Variants in CCDC148 observed in about 807,000 individuals in gnomAD.
The protein encoded by CCDC148 is coiled-coil domain-containing protein 148.
A neutral mutation model predicts 85.7 loss-of-function variants in CCDC148; 89 were observed. The ratio of observed to expected loss-of-function variants is 1.04; its 90% confidence interval spans 0.87 to 1.24. The LOEUF (loss-of-function observed/expected upper bound fraction) is 1.24. Among genes scored for constraint, CCDC148 ranks in the 50% most tolerant of loss-of-function variants. The probability of loss-of-function intolerance (pLI) is 0.00; values close to 1 mark genes in which losing one functional copy is unlikely to be tolerated. For missense variants in CCDC148, 692 were observed against 671.7 expected, an observed-to-expected ratio of 1.03 and a Z score of -0.33; for synonymous variants, 230 against 213.9, an observed-to-expected ratio of 1.08 and a Z score of -0.66.
At chr2:158,172,934 C>T (rs1422258327) in intron 13 of CCDC148, among the ~76,000 whole-genome samples, 2 of 151,952 alleles carry the variant, frequency 1.3e-5, no homozygotes, top group African/African-American at 2.4e-5. Context: ...ATGGATTTTA[C>T]CTAATGAGGC....
chr2:158,308,104 A>G (rs79873135), intron 9 of CCDC148, among the ~76,000 whole-genome samples: 8,572 of 152,270 alleles, frequency 0.056, 508 homozygotes, highest in African/African-American at 0.15. Context: ...TCAAAACTTC[A>G]ATATTAACAT....
At chr2:158,406,620 T>TTTCTGTTTTTTTTTTTTGTTTTG (rs1203346762) in intron 1 of CCDC148, among the ~76,000 whole-genome samples, 42 of 98,406 alleles carry the variant, frequency 4.3e-4, no homozygotes, top group Non-Finnish European at 7.6e-4. Context: ...TTTCTTTTTT[T>TTTCTGTTTTTTTTTTTTGTTTTG]TTTTTTTTTT....
intron 7 of CCDC148, among the ~76,000 whole-genome samples, chr2:158,326,552 T>C (rs187366011): frequency 2.0e-5 from 3 of 152,316 alleles, no homozygotes; most frequent in Admixed American, 6.5e-5. Context: ...CTTCATCTCA[T>C]TTGCTCCATT....
chr2:158,345,400 T>C, intron 2 of CCDC148, 82 bp from the exon 3 acceptor site: 8 of 893,604 alleles, frequency 9.0e-6, no homozygotes, highest in South Asian at 8.6e-5. Flanking sequence ...AATCTGAATT[T>C]TCTAAGTTAA....
At position 158,394,268 on chromosome 2, in the gene CCDC148, G is replaced by A. The variant is rs141150532; in HGVS notation, c.26-35698C>T. 4.8e-3 allele frequency among the ~76,000 whole-genome samples: 725 copies of A among 152,138 alleles called. 2 individuals carry two copies. Among genetic ancestry groups the A allele is most frequent in the African/African-American group, 0.016 (682 of 41,524 alleles). Reference sequence around the variant, plus strand: ...AGACAGTGTATTATAGTAAGGCAAAGCAATAATTTCCATTGACAAATAAAT... The same window carrying A: ...AGACAGTGTATTATAGTAAGGCAAAACAATAATTTCCATTGACAAATAAAT... On this transcript the variant is annotated intron_variant, in intron 1 of 13. Coordinates refer to ENST00000283233, the MANE Select transcript of CCDC148 (RefSeq NM_138803.4).
chr2:158,287,725 C>T (rs144475873), intron 9 of CCDC148, among the ~76,000 whole-genome samples: 225 of 152,262 alleles, frequency 1.5e-3, no homozygotes, highest in African/African-American at 4.9e-3. Context: ...TGAATGTCTG[C>T]GGCTTTTCCA....
At chr2:158,442,125 A>G (rs1687960012) in intron 1 of CCDC148, among the ~76,000 whole-genome samples, 1 of 152,204 alleles carries the variant, frequency 6.6e-6, no homozygotes, top group African/African-American at 2.4e-5. Flanking sequence ...TAGACAATAG[A>G]AAAAGAGCTC....
intron 10 of CCDC148, among the ~76,000 whole-genome samples, chr2:158,247,734 T>C (rs986448655): frequency 5.3e-5 from 8 of 151,884 alleles, no homozygotes; most frequent in Admixed American, 2.6e-4. Flanking sequence ...CGGGCACCTG[T>C]AATCCCAGCT....
intron 9 of CCDC148, 88 bp from the exon 10 acceptor site, chr2:158,251,000 C>G: frequency 8.5e-7 from 1 of 1,181,378 alleles, no homozygotes; most frequent in Non-Finnish European, 1.2e-6. Flanking sequence ...CTATATCAAG[C>G]AGATGTCACT....
At chr2:158,356,673 C>T (rs1386217317) in intron 2 of CCDC148, among the ~76,000 whole-genome samples, 3 of 145,634 alleles carry the variant, frequency 2.1e-5, no homozygotes, top group East Asian at 2.0e-4. Flanking sequence ...GTCAGTGTGG[C>T]GATTCCTCAG....
intron 9 of CCDC148, among the ~76,000 whole-genome samples, chr2:158,286,853 T>C (rs1026802565): frequency 6.6e-6 from 1 of 152,142 alleles, no homozygotes; most frequent in African/African-American, 2.4e-5. Context: ...GGTCTGAGTA[T>C]TAGAGGCAAA....
intron 11 of CCDC148, among the ~76,000 whole-genome samples, chr2:158,194,626 C>T (rs1288525714): frequency 6.6e-6 from 1 of 152,098 alleles, no homozygotes; most frequent in African/African-American, 2.4e-5. Context: ...TATTTTTGCT[C>T]TCTAAAGTTT....
At chr2:158,427,158 T>C (rs1687115764) in intron 1 of CCDC148, among the ~76,000 whole-genome samples, 1 of 152,204 alleles carries the variant, frequency 6.6e-6, no homozygotes, top group African/African-American at 2.4e-5. Flanking sequence ...ATAAGCCTCA[T>C]TTTAAAAGGC....
At chr2:158,363,573 A>C (rs543136572) in intron 1 of CCDC148, among the ~76,000 whole-genome samples, 1 of 152,358 alleles carries the variant, frequency 6.6e-6, no homozygotes, top group South Asian at 2.1e-4. Flanking sequence ...CCATATGATT[A>C]TCTCAATAGA....
At chr2:158,334,012 A>G (rs1693291443) in intron 7 of CCDC148, among the ~76,000 whole-genome samples, 2 of 152,148 alleles carry the variant, frequency 1.3e-5, no homozygotes. Flanking sequence ...GCATAGATCA[A>G]GTTGGTTCCT....
intron 2 of CCDC148, among the ~76,000 whole-genome samples, chr2:158,346,309 C>T (rs376603648): frequency 4.5e-4 from 68 of 152,318 alleles, no homozygotes; most frequent in African/African-American, 1.2e-3. Flanking sequence ...CTTCTCTACT[C>T]TCACAGTCTC....
At chr2:158,283,879 A>T (rs1364169072) in intron 9 of CCDC148, among the ~76,000 whole-genome samples, 1 of 152,100 alleles carries the variant, frequency 6.6e-6, no homozygotes, top group African/African-American at 2.4e-5. Flanking sequence ...ACCAACCAAA[A>T]TGTCCAACAA....
At chr2:158,294,688 G>C (rs1034398163) in intron 9 of CCDC148, among the ~76,000 whole-genome samples, 1 of 152,008 alleles carries the variant, frequency 6.6e-6, no homozygotes, top group African/African-American at 2.4e-5. Context: ...GCCAGGCGTG[G>C]TGGCTGGTGC....
At chr2:158,280,842 C>A (rs567339508) in intron 9 of CCDC148, among the ~76,000 whole-genome samples, 1 of 152,138 alleles carries the variant, frequency 6.6e-6, no homozygotes, top group African/African-American at 2.4e-5. Context: ...CAGCACCACA[C>A]CACACCTATT....
Sources: gnomAD v4.1 joint callset for allele counts (sites outside exome capture counted in the v4.1 genomes callset) on GRCh38, gnomAD v4.1.1 for gene constraint, MANE v1.5 for transcripts, NCBI Gene and HGNC (gene_info 2026-07-23, HGNC 2026-07-21) for gene names.